Variants in SACS observed in about 807,000 individuals in gnomAD.
SACS encodes sacsin molecular chaperone, also known as sacsin.
In SACS, 197 loss-of-function variants were observed where a neutral mutation model predicts 348.0. The observed-to-expected ratio is 0.57, with a 90% CI of 0.50 to 0.64. SACS has a LOEUF of 0.64. Ranked by LOEUF, SACS falls within the 30% of genes least tolerant of loss-of-function variation. The pLI is 0.00. For missense variants in SACS, 4,999 were observed against 5,360.8 expected (o/e 0.93, Z 2.11); for synonymous variants, 1,985 against 1,910.6 (o/e 1.04, Z -1.02).
intron 3 of SACS, among the ~76,000 whole-genome samples, chr13:23,374,336 T>C (rs1871606579): frequency 6.6e-6 from 1 of 152,218 alleles, no homozygotes; most frequent in Non-Finnish European, 1.5e-5. Context: ...CAATAATATT[T>C]GTATCGAGTA....
intron 2 of SACS, among the ~76,000 whole-genome samples, chr13:23,408,924 T>C (rs1351363505): frequency 1.5e-5 from 2 of 135,802 alleles, no homozygotes; most frequent in East Asian, 2.3e-4. Context: ...ATTGCGCCAC[T>C]GCACTCCAGC....
At chr13:23,431,396 G>A (rs952008579) in intron 1 of SACS, among the ~76,000 whole-genome samples, 1 of 152,308 alleles carries the variant, frequency 6.6e-6, no homozygotes, top group East Asian at 1.9e-4. Flanking sequence ...TCTCCTAGAC[G>A]TTAAAATCTT....
At chr13:23,421,753 C>G (rs12428410) in intron 1 of SACS, among the ~76,000 whole-genome samples, 2,693 of 151,760 alleles carry the variant, frequency 0.018, 158 homozygotes, top group Admixed American at 0.11. Context: ...TGGATGTTGC[C>G]CTGGGGTCAG....
At chr13:23,429,309 G>A (rs1010209459) in intron 1 of SACS, among the ~76,000 whole-genome samples, 1 of 145,612 alleles carries the variant, frequency 6.9e-6, no homozygotes, top group Non-Finnish European at 1.5e-5. Context: ...CCATGGCAGA[G>A]GCTCACTAAA....
chr13:23,418,026 C>T (rs1873752419), intron 1 of SACS, among the ~76,000 whole-genome samples: 1 of 141,030 alleles, frequency 7.1e-6, no homozygotes, highest in African/African-American at 2.7e-5. Flanking sequence ...TAGACTGCAT[C>T]ATTGCACTCC....
chr13:23,404,108 G>C (rs1485004066), intron 2 of SACS, among the ~76,000 whole-genome samples: 1 of 152,222 alleles, frequency 6.6e-6, no homozygotes, highest in Non-Finnish European at 1.5e-5. Flanking sequence ...TGGTCTGAAA[G>C]ACTGTTGGTT....
Position 23,335,678 on chromosome 13 carries a change from T to C in SACS, c.8198A>G (p.Asp2733Gly), listed in dbSNP as rs979987525. ...AAGAAACATTAGAAGTTCTGCCCCA[T>C]CTGAGCGCAGTTTGTCCAAAAGATT... Reference protein sequence around the residue: ...VQNLLDKLRSDGAELLMFLNH... With the variant: ...VQNLLDKLRSGGAELLMFLNH... Residue 2733 changes from aspartate to glycine, a missense_variant, in exon 10 of 10, where the codon GAT becomes GGT. By Grantham distance (94) the Asp-to-Gly change is moderately conservative. This residue lies in a region of SACS where 3,156 missense variants were observed against 3,380.1 expected (regional missense o/e 0.93). Transcript: ENST00000382292. The surrounding 1 kb of genome is among the most constrained non-coding windows in gnomAD (Gnocchi z 4.7). The C allele has an allele frequency of 1.2e-6, 2 of 1,613,940 alleles. No individual in the cohort carries two copies. The highest frequency in any genetic ancestry group is 1.7e-6 in the Non-Finnish European group (2 of 1,179,922).
chr13:23,406,110 A>T (rs2137944197), intron 2 of SACS, among the ~76,000 whole-genome samples: 1 of 152,362 alleles, frequency 6.6e-6, no homozygotes, highest in South Asian at 2.1e-4. Context: ...TGTTCACAAT[A>T]GCAAAGATTG....
rs200900703 is a variant in SACS, at chr13:23,332,893, C to T, written c.10983G>A (p.Ala3661=). 2.5e-5 allele frequency: 40 copies of T among 1,613,830 alleles called. No homozygotes were observed. The highest frequency in any genetic ancestry group is 5.3e-5 in the African/African-American group (4 of 75,026). The change falls in exon 10 of 10, where the codon GCG becomes GCA. Residue 3661 remains alanine (A), a synonymous_variant. Transcript: ENST00000382292. Reference sequence around the variant, plus strand: ...ATTGAGGATGAAATCTAATGAATTCCGCGGGGGCCCGCTCAGGACATAAGA... The same window carrying T: ...ATTGAGGATGAAATCTAATGAATTCTGCGGGGGCCCGCTCAGGACATAAGA... ...IPFLCPERAP[A]EFIRFHPQYQ...
At chr13:23,414,937 G>A (rs1016888750) in intron 1 of SACS, among the ~76,000 whole-genome samples, 2 of 152,212 alleles carry the variant, frequency 1.3e-5, no homozygotes, top group Non-Finnish European at 2.9e-5. Context: ...ATACACACAT[G>A]CTAGGTCTCA....
chr13:23,418,376 C>T (rs896496174), intron 1 of SACS, among the ~76,000 whole-genome samples: 1 of 152,110 alleles, frequency 6.6e-6, no homozygotes, highest in Non-Finnish European at 1.5e-5. Context: ...TTTTCAACTA[C>T]AGAAGTGCTT....
chr13:23,403,020 C>G (rs1220507067), intron 2 of SACS, among the ~76,000 whole-genome samples: 2 of 151,560 alleles, frequency 1.3e-5, no homozygotes, highest in Non-Finnish European at 2.9e-5. Flanking sequence ...ACTAAAAATA[C>G]AAAAAAAATT....
intron 2 of SACS, among the ~76,000 whole-genome samples, chr13:23,402,987 C>A (rs1400132848): frequency 6.6e-6 from 1 of 151,892 alleles, no homozygotes; most frequent in Non-Finnish European, 1.5e-5. Flanking sequence ...CCAGCCTGGC[C>A]GACATGATGA....
At chr13:23,416,375 T>C (rs942793647) in intron 1 of SACS, among the ~76,000 whole-genome samples, 3 of 151,952 alleles carry the variant, frequency 2.0e-5, no homozygotes, top group African/African-American at 7.3e-5. Context: ...AAAACAAAGA[T>C]ACAATGGGGA....
chr13:23,331,809 T>C lies in SACS; in HGVS notation c.12067A>G (p.Asn4023Asp). The stretch of plus-strand genomic sequence containing the variant: ...TCATTGGCCAGAAAAGCATTATCAT[T>C]TTCATGCTTCATAATTCTAATCAGT... ...TGLIRIMKHE[N>D]DNAFLANEEK... The change falls in exon 10 of 10, where the codon AAT (asparagine) becomes GAT (aspartate). Residue 4023 changes from asparagine to aspartate, a missense_variant. Asn to Asp is a conservative substitution (Grantham distance 23). Around this residue, in one of 6 missense-constraint regions of SACS, gnomAD observed 831 missense variants for 941.8 expected, o/e 0.88. Transcript: ENST00000382292. 1 of 1,614,006 alleles carries C rather than the reference T, an allele frequency of 6.2e-7. No homozygotes were observed. Among genetic ancestry groups the C allele is most frequent in the Non-Finnish European group, 8.5e-7 (1 of 1,179,958 alleles).
chr13:23,405,011 T>C (rs1325323074), intron 2 of SACS, among the ~76,000 whole-genome samples: 1 of 152,146 alleles, frequency 6.6e-6, no homozygotes, highest in East Asian at 1.9e-4. Flanking sequence ...TTCAATGCTG[T>C]CTCCATCAAG....
In SACS at chr13:23,421,050, G is replaced by A. The variant is rs190968640; in HGVS notation, c.-501-9310C>T. Among the ~76,000 whole-genome samples the A allele has an allele frequency of 1.4e-3, 208 of 152,042 alleles. 2 individuals carry two copies. Among genetic ancestry groups the A allele is most frequent in the African/African-American group, 4.5e-3 (188 of 41,482 alleles). On this transcript the variant is annotated intron_variant, in intron 1 of 9. Transcript: ENST00000382292. ...GGGGCCTGGTGTCCACCTAAAGTGTGGGTATCCACCTAGGACCTGGTGTGC... is the reference window on the plus strand; with the variant it reads ...GGGGCCTGGTGTCCACCTAAAGTGTAGGTATCCACCTAGGACCTGGTGTGC...
chr13:23,354,557 G>A lies in SACS; in HGVS notation c.2055C>T (p.Asp685=). 1 of 1,614,120 alleles carries A rather than the reference G, an allele frequency of 6.2e-7. No homozygotes were observed. Among genetic ancestry groups the A allele is most frequent in the Non-Finnish European group, 8.5e-7 (1 of 1,179,970 alleles). ...CTGAGGTAATATAAATGACATCTTG[G>A]TCTGATACAGATGAGGAGAAGGGGA... The part of the protein sequence containing the change: ...NFVPFSSSVS[D]QDVIYITSAE... Residue 685 remains aspartate, a synonymous_variant, in exon 8 of 10, where the codon GAC becomes GAT. Coordinates refer to ENST00000382292, the MANE Select transcript of SACS (RefSeq NM_014363.6).
intron 1 of SACS, among the ~76,000 whole-genome samples, chr13:23,432,917 T>C (rs1874492728): frequency 6.6e-6 from 1 of 152,190 alleles, no homozygotes. Flanking sequence ...AGTCCTCTTC[T>C]CTGAGGTATT....
Sources: gnomAD v4.1 joint callset for allele counts (sites outside exome capture counted in the v4.1 genomes callset) on GRCh38, gnomAD v4.1.1 for gene constraint, gnomAD v4.1.1 regional missense constraint, Gnocchi (gnomAD v3.1) non-coding constraint, MANE v1.5 for transcripts, NCBI Gene and HGNC (gene_info 2026-07-23, HGNC 2026-07-21) for gene names.